ADAM23: variants seen among roughly 807,000 people sequenced by gnomAD.
ADAM23 encodes the protein disintegrin and metalloproteinase domain-containing protein 23.
In ADAM23, 33 loss-of-function variants were observed where a neutral mutation model predicts 120.1. The observed-to-expected ratio is 0.27, with a 90% CI of 0.21 to 0.37. ADAM23 has a LOEUF of 0.37. Among genes scored for constraint, ADAM23 ranks in the 10% least tolerant of loss-of-function variants. The pLI, the probability that ADAM23 is intolerant of heterozygous loss-of-function variation, is 1.00. For synonymous variants in ADAM23, 367 were observed against 375.2 expected (o/e 0.98, Z 0.25); for missense variants, 862 against 1,058.2 (o/e 0.81, Z 2.57).
intron 2 of ADAM23, among the ~76,000 whole-genome samples, chr2:206,476,952 A>T (rs903105678): frequency 2.6e-5 from 4 of 152,210 alleles, no homozygotes; most frequent in Non-Finnish European, 2.9e-5. Flanking sequence ...TGTGAAACAT[A>T]GTTGCATGAA....
chr2:206,593,345 T>G (rs144280942), intron 22 of ADAM23, among the ~76,000 whole-genome samples: 2 of 152,346 alleles, frequency 1.3e-5, no homozygotes, highest in African/African-American at 4.8e-5. Flanking sequence ...GATACTATTC[T>G]CTTACTCAAT....
At chr2:206,467,679 T>A (rs1483846479) in intron 2 of ADAM23, among the ~76,000 whole-genome samples, 1 of 152,194 alleles carries the variant, frequency 6.6e-6, no homozygotes, top group Non-Finnish European at 1.5e-5. Flanking sequence ...GGTGACCCCT[T>A]CTCACAGCTC....
intron 2 of ADAM23, among the ~76,000 whole-genome samples, chr2:206,462,726 G>C (rs986363069): frequency 1.2e-4 from 19 of 152,228 alleles, no homozygotes; most frequent in African/African-American, 4.3e-4. Context: ...AAGGTTGATG[G>C]TGAGGGATGG....
At chr2:206,487,497 G>A (rs777990219) in intron 3 of ADAM23, among the ~76,000 whole-genome samples, 5 of 152,158 alleles carry the variant, frequency 3.3e-5, no homozygotes, top group Admixed American at 2.6e-4. Flanking sequence ...GCATGCTCGC[G>A]AGACACTTGG....
intron 24 of ADAM23, among the ~76,000 whole-genome samples, chr2:206,598,429 GAA>G (rs1158482579): frequency 6.6e-6 from 1 of 152,040 alleles, no homozygotes. Flanking sequence ...ACATTCTAGA[GAA>G]AGAGTACTCA....
intron 3 of ADAM23, among the ~76,000 whole-genome samples, chr2:206,519,937 C>A (rs1696810085): frequency 6.6e-6 from 1 of 152,084 alleles, no homozygotes; most frequent in African/African-American, 2.4e-5. Flanking sequence ...ATTGCTTGAA[C>A]CTGGGAGGTT....
intron 4 of ADAM23, among the ~76,000 whole-genome samples, chr2:206,539,243 T>A (rs1259088336): frequency 6.6e-6 from 1 of 152,194 alleles, no homozygotes; most frequent in African/African-American, 2.4e-5. Context: ...AACTTCCACT[T>A]ATCAGATGCT....
At chr2:206,553,916 A>G (rs1697586580) in intron 9 of ADAM23, among the ~76,000 whole-genome samples, 1 of 152,138 alleles carries the variant, frequency 6.6e-6, no homozygotes, top group African/African-American at 2.4e-5. Context: ...GGGTTGAAAA[A>G]CCAAATTCTA....
intron 18 of ADAM23, among the ~76,000 whole-genome samples, chr2:206,578,101 A>G (rs1698152928): frequency 6.6e-6 from 1 of 152,160 alleles, no homozygotes; most frequent in Non-Finnish European, 1.5e-5. Flanking sequence ...TGATAAATTA[A>G]TTTTAGATCC....
chr2:206,557,205 C>A (rs912678403), intron 9 of ADAM23, among the ~76,000 whole-genome samples: 1 of 152,092 alleles, frequency 6.6e-6, no homozygotes, highest in East Asian at 1.9e-4. Flanking sequence ...GTTGGGATTA[C>A]AGTTGTGAGC....
chr2:206,455,108 C>CAG, intron 2 of ADAM23, among the ~76,000 whole-genome samples: 1 of 152,268 alleles, frequency 6.6e-6, no homozygotes, highest in Non-Finnish European at 1.5e-5. Context: ...CATGGGGGCT[C>CAG]TGCCCCTGCA....
At chr2:206,556,303 A>C (rs1240017759) in intron 9 of ADAM23, among the ~76,000 whole-genome samples, 1 of 152,178 alleles carries the variant, frequency 6.6e-6, no homozygotes, top group African/African-American at 2.4e-5. Flanking sequence ...TGTTTAAAAA[A>C]CATAGTCACA....
intron 3 of ADAM23, among the ~76,000 whole-genome samples, chr2:206,508,037 CT>C (rs3216681): frequency 1.3e-5 from 2 of 149,414 alleles, no homozygotes; most frequent in African/African-American, 2.5e-5. Context: ...GCCTAGTTCA[CT>C]TTTTTTTTTG....
chr2:206,555,078 C>T (rs970246347), intron 9 of ADAM23, among the ~76,000 whole-genome samples: 3 of 152,126 alleles, frequency 2.0e-5, no homozygotes, highest in Non-Finnish European at 4.4e-5. Flanking sequence ...ACCTAAGTAA[C>T]AACTTGCAGC....
chr2:206,446,706 G>T (rs1695088754), intron 2 of ADAM23, among the ~76,000 whole-genome samples: 2 of 151,956 alleles, frequency 1.3e-5, no homozygotes, highest in African/African-American at 4.8e-5. Context: ...TATTACTGGA[G>T]AGGTGAACTT....
intron 2 of ADAM23, among the ~76,000 whole-genome samples, chr2:206,450,511 A>G (rs1380443186): frequency 1.3e-5 from 2 of 152,214 alleles, no homozygotes; most frequent in Non-Finnish European, 2.9e-5. Flanking sequence ...TAATCAAACT[A>G]AAATTCAAAA....
chr2:206,486,948 G>T (rs1055140343), intron 3 of ADAM23, among the ~76,000 whole-genome samples: 1 of 152,034 alleles, frequency 6.6e-6, no homozygotes, highest in Admixed American at 6.6e-5. Context: ...ATGCATTCGC[G>T]TCCTGGACAT....
At position 206,567,318 on chromosome 2, in the gene ADAM23, C is replaced by A. The variant is rs1194580500; in HGVS notation, c.1490C>A (p.Thr497Lys). The A allele has an allele frequency of 6.2e-7, 1 of 1,609,952 alleles. No homozygotes were observed. Among genetic ancestry groups the A allele is most frequent in the South Asian group, 1.1e-5 (1 of 90,910 alleles). ...GGAGCCTGCCTTTTCAACAGGCCAA[C>A]AAAGGTTAGTAACTTAGAAAGCATA... The part of the protein sequence containing the change: ...GGGACLFNRP[T>K]KLFEPTECGN... The change falls in exon 15 of 26, where the codon ACA becomes AAA. Residue 497 changes from threonine to lysine, a missense_variant. Thr to Lys is a moderately conservative substitution (Grantham distance 78). Coordinates refer to ENST00000264377, the MANE Select transcript of ADAM23 (RefSeq NM_003812.4).
At chr2:206,504,684 G>T (rs1411421042) in intron 3 of ADAM23, among the ~76,000 whole-genome samples, 1 of 152,170 alleles carries the variant, frequency 6.6e-6, no homozygotes, top group East Asian at 1.9e-4. Flanking sequence ...TACAGAGTTT[G>T]CACCAAATTC....
Sources: gnomAD v4.1 joint callset for allele counts (sites outside exome capture counted in the v4.1 genomes callset) on GRCh38, gnomAD v4.1.1 for gene constraint, MANE v1.5 for transcripts, NCBI Gene and HGNC (gene_info 2026-07-23, HGNC 2026-07-21) for gene names.